LRRC51: variants seen among roughly 807,000 people sequenced by gnomAD.
LRRC51 encodes leucine rich repeat containing 51, also known as leucine-rich repeat-containing protein 51.
LRRC51 carries 8 observed loss-of-function variants against 17.8 expected under a neutral mutation model. The ratio of observed to expected loss-of-function variants is 0.45; its 90% CI spans 0.26 to 0.81. The LOEUF is 0.81. Ranked by LOEUF, LRRC51 falls within the 30% of genes least tolerant of loss-of-function variation. LRRC51 has a pLI of 0.17. For missense variants in LRRC51, 233 were observed against 239.3 expected (o/e 0.97, Z 0.17); for synonymous variants, 92 against 96.0 (o/e 0.96, Z 0.24).
chr11:72,082,511 C>A (rs1262723417), intron 1 of LRRC51, among the ~76,000 whole-genome samples: 3 of 152,210 alleles, frequency 2.0e-5, no homozygotes, highest in Non-Finnish European at 4.4e-5. Context: ...GCCTCAACAT[C>A]TCCTTTAGGA....
At chr11:72,084,434 G>A (rs932644179) in intron 1 of LRRC51, among the ~76,000 whole-genome samples, 2 of 152,162 alleles carry the variant, frequency 1.3e-5, no homozygotes, top group African/African-American at 4.8e-5. Flanking sequence ...TAACATTAAA[G>A]TACGATACAT....
Position 72,096,456 on chromosome 11 carries a change from T to A in LRRC51, c.*936T>A. 1.0e-6 allele frequency: 1 copy of A among 992,754 alleles called. No homozygotes were observed. Among genetic ancestry groups the A allele is most frequent in the South Asian group, 3.6e-5 (1 of 27,576 alleles). 61.5% of individuals were successfully genotyped at this position (992,754 alleles called of 1,614,324 possible). On this transcript the variant is annotated 3_prime_UTR_variant, in exon 6 of 6. Transcript: ENST00000289488. ...TTTCGCCATGTTGGCCAGGCTGGTC[T>A]CAAACTCCTGACCTCAGGTGATCTG...
Position 72,095,791 on chromosome 11 carries a change from G to C in LRRC51, c.*271G>C, listed in dbSNP as rs1052912720. On this transcript the variant is annotated 3_prime_UTR_variant, in exon 6 of 6. Coordinates refer to ENST00000289488, the MANE Select transcript of LRRC51 (RefSeq NM_145309.6). ...AGGTTCAAGAGATTCTCCTGCCTCA[G>C]CCTCCCCAGTAGCTGTGATTAAAGG... 2 of 668,984 alleles carry C rather than the reference G, an allele frequency of 3.0e-6. No homozygotes were observed. Among genetic ancestry groups the C allele is most frequent in the Non-Finnish European group, 4.5e-6 (2 of 446,976 alleles). 41.4% of individuals were successfully genotyped at this position (668,984 alleles called of 1,614,324 possible).
intron 3 of LRRC51, among the ~76,000 whole-genome samples, chr11:72,090,645 G>C (rs1435793346): frequency 6.6e-6 from 1 of 152,148 alleles, no homozygotes; most frequent in Admixed American, 6.5e-5. Context: ...AATAGAGTTT[G>C]GGGGTACCTG....
intron 1 of LRRC51, among the ~76,000 whole-genome samples, chr11:72,084,854 AG>A (rs1391459059): frequency 1.4e-5 from 2 of 139,642 alleles, no homozygotes; most frequent in Non-Finnish European, 3.1e-5. Flanking sequence ...AAAAAAAAAA[AG>A]AAAACCGTGT....
At chr11:72,088,512 G>C in intron 2 of LRRC51, 132 bp downstream of exon 2, 1 of 666,814 alleles carries the variant, frequency 1.5e-6, no homozygotes, top group Admixed American at 2.1e-5. Flanking sequence ...AAGCGGAGAA[G>C]GTGGCAAATC....
At chr11:72,081,895 G>A (rs2136458129) in intron 1 of LRRC51, among the ~76,000 whole-genome samples, 1 of 152,228 alleles carries the variant, frequency 6.6e-6, no homozygotes, top group South Asian at 2.1e-4. Context: ...TGTGAGTCAA[G>A]GATATTTATC....
chr11:72,092,762 C>A (rs2136526724), intron 3 of LRRC51, among the ~76,000 whole-genome samples: 1 of 152,352 alleles, frequency 6.6e-6, no homozygotes, highest in East Asian at 1.9e-4. Context: ...TGTTCCCTGC[C>A]TGTTTACCCT....
chr11:72,084,746 G>A (rs1944425060), intron 1 of LRRC51, among the ~76,000 whole-genome samples: 1 of 151,622 alleles, frequency 6.6e-6, no homozygotes, highest in South Asian at 2.1e-4. Context: ...CTAAGGTGGT[G>A]GGATTGCCTC....
At position 72,093,575 on chromosome 11, in the gene LRRC51, G is replaced by C; in HGVS notation, c.162G>C (p.Leu54=). Residue 54 remains leucine (L), a synonymous_variant, in exon 4 of 6, where the codon CTG becomes CTC. Coordinates refer to ENST00000289488, the MANE Select transcript of LRRC51 (RefSeq NM_145309.6). ...CGGGGAAATCACTGACCCAGTCCCT[G>C]TGGCTGAATAACAATGTTCTCAATG... ...SKSGKSLTQS[L]WLNNNVLNDL... The C allele has an allele frequency of 6.2e-7, 1 of 1,614,230 alleles. No individual in the cohort carries two copies. Among genetic ancestry groups the C allele is most frequent in the Non-Finnish European group, 8.5e-7 (1 of 1,180,044 alleles).
chr11:72,083,407 TCA>T (rs1410614653), intron 1 of LRRC51, among the ~76,000 whole-genome samples: 1 of 152,194 alleles, frequency 6.6e-6, no homozygotes, highest in Non-Finnish European at 1.5e-5. Context: ...TAGATTTCTC[TCA>T]GTCACTTCTT....
intron 4 of LRRC51, chr11:72,094,535 A>C (rs1945057829): frequency 3.3e-6 from 2 of 599,540 alleles, no homozygotes; most frequent in South Asian, 2.0e-5. Flanking sequence ...TGACTTGGAC[A>C]CTATTCCCCT....
chr11:72,095,091 G>A lies in LRRC51; in HGVS notation c.432G>A (p.Gly144=), dbSNP rs752627966. The A allele has an allele frequency of 6.2e-7, 1 of 1,613,960 alleles. No individual in the cohort carries two copies. The highest frequency in any genetic ancestry group is 1.1e-5 in the South Asian group (1 of 91,078). The change falls in exon 5 of 6, where the codon GGG becomes GGA. Residue 144 remains glycine (G), a synonymous_variant. Coordinates refer to ENST00000289488, the MANE Select transcript of LRRC51 (RefSeq NM_145309.6). ...LHGNPMEEEK[G]YRQYVLCTLS... is the part of the protein sequence containing the mutation. The stretch of plus-strand genomic sequence containing the variant: ...GGAACCCCATGGAGGAAGAGAAAGG[G>A]TATAGGTAAGTGCCCTGCCCCTGGA...
At position 72,095,772 on chromosome 11, in the gene LRRC51, AAG is replaced by A. The variant is rs1945169117; in HGVS notation, c.*256_*257del. The A allele has an allele frequency of 1.1e-6, 1 of 871,814 alleles. No homozygotes were observed. Among genetic ancestry groups the A allele is most frequent in the Admixed American group, 3.3e-5 (1 of 30,384 alleles). 54.0% of individuals were successfully genotyped at this position (871,814 alleles called of 1,614,324 possible). On this transcript the variant is annotated 3_prime_UTR_variant, in exon 6 of 6. Transcript: ENST00000289488. ...ACTGCAACCTCAGCCTCCCAGGTTC[AAG>A]AGATTCTCCTGCCTCAGCCTCCCCA...
At chr11:72,094,396 G>T in intron 4 of LRRC51, 1 of 428,044 alleles carries the variant, frequency 2.3e-6, no homozygotes, top group Non-Finnish European at 4.2e-6. Context: ...CCTGTGCTGG[G>T]TTCTCCTGTG....
chr11:72,095,012 G>C lies in LRRC51; in HGVS notation c.353G>C (p.Gly118Ala), dbSNP rs1945096768. The C allele has an allele frequency of 1.2e-6, 2 of 1,613,932 alleles. No individual in the cohort carries two copies. Among genetic ancestry groups the C allele is most frequent in the South Asian group, 2.2e-5 (2 of 91,050 alleles). The change falls in exon 5 of 6, where the codon GGG becomes GCG. Residue 118 changes from glycine to alanine, a missense_variant. Transcript: ENST00000289488. Reference protein sequence around the residue: ...YLHGNSIQRLGEVNKLAVLPR... With the variant: ...YLHGNSIQRLAEVNKLAVLPR... Reference sequence around the variant, plus strand: ...CACGGCAACAGCATCCAGCGCCTGGGGGAGGTGAATAAGCTGGCTGTCCTT... The same window carrying C: ...CACGGCAACAGCATCCAGCGCCTGGCGGAGGTGAATAAGCTGGCTGTCCTT...
At chr11:72,093,413 C>T in intron 3 of LRRC51, 83 bp from the exon 4 acceptor site, 1 of 1,352,282 alleles carries the variant, frequency 7.4e-7, no homozygotes. Flanking sequence ...GCCTGGATGG[C>T]TAATCTTTCC....
chr11:72,084,450 A>G (rs912632930), intron 1 of LRRC51, among the ~76,000 whole-genome samples: 1 of 152,248 alleles, frequency 6.6e-6, no homozygotes, highest in African/African-American at 2.4e-5. Flanking sequence ...TACATAGTAT[A>G]AAATACTTTG....
At chr11:72,082,930 A>G (rs1944328147) in intron 1 of LRRC51, among the ~76,000 whole-genome samples, 1 of 151,814 alleles carries the variant, frequency 6.6e-6, no homozygotes, top group South Asian at 2.1e-4. Flanking sequence ...CAATGGCGCA[A>G]TCTCGGCTCA....
Sources: allele counts gnomAD v4.1 joint callset (sites outside exome capture counted in the v4.1 genomes callset), GRCh38; gene constraint gnomAD v4.1.1; transcripts MANE v1.5; gene names NCBI Gene and HGNC (gene_info 2026-07-23, HGNC 2026-07-21).